Variants in FAM13A observed in about 807,000 individuals in gnomAD.
FAM13A encodes protein FAM13A.
In FAM13A, 76 loss-of-function variants were observed where a neutral mutation model predicts 129.6. The ratio of observed to expected loss-of-function variants is 0.59; its 90% CI spans 0.49 to 0.71. The LOEUF is 0.71. FAM13A is among the 30% of genes least tolerant of loss of function. The probability of loss-of-function intolerance (pLI) is 0.00; values close to 1 mark genes in which losing one functional copy is unlikely to be tolerated. For synonymous variants in FAM13A, 443 were observed against 449.9 expected (o/e 0.98, Z 0.20); for missense variants, 1,108 against 1,249.3 (o/e 0.89, Z 1.70).
At chr4:88,955,193 T>C (rs923945565) in intron 4 of FAM13A, among the ~76,000 whole-genome samples, 1 of 152,172 alleles carries the variant, frequency 6.6e-6, no homozygotes, top group African/African-American at 2.4e-5. Flanking sequence ...AATGTAGAAT[T>C]ACGTATTAAT....
intron 16 of FAM13A, 131 bp downstream of exon 16, chr4:88,749,640 G>T (rs1742129261): frequency 1.2e-6 from 1 of 859,232 alleles, no homozygotes; most frequent in Non-Finnish European, 1.8e-6. Context: ...ACTATCCAGG[G>T]TTTACTGCCT....
chr4:89,037,755 G>C lies in FAM13A; in HGVS notation c.28-8106C>G, dbSNP rs539544571. On this transcript the variant is annotated intron_variant, in intron 1 of 23. Transcript: ENST00000264344. Reference sequence around the variant, plus strand: ...AGGTAATTAGACTGGGGGGTGGATGGTAATAGTGAGTCAGTTCTCACAAGA... The same window carrying C: ...AGGTAATTAGACTGGGGGGTGGATGCTAATAGTGAGTCAGTTCTCACAAGA... Among the ~76,000 whole-genome samples, 3 of 152,268 alleles carry C rather than the reference G, an allele frequency of 2.0e-5. No individual in the cohort carries two copies. In the East Asian group the frequency reaches 5.8e-4, roughly 29 times the overall value.
intron 4 of FAM13A, among the ~76,000 whole-genome samples, chr4:88,941,165 T>C (rs538992747): frequency 2.2e-3 from 331 of 152,336 alleles, no homozygotes; most frequent in African/African-American, 7.7e-3. Context: ...GAGTCACCCA[T>C]GCTAAAATTC....
intron 14 of FAM13A, among the ~76,000 whole-genome samples, chr4:88,757,149 A>G (rs1743824917): frequency 6.6e-6 from 1 of 152,190 alleles, no homozygotes; most frequent in African/African-American, 2.4e-5. Context: ...TTTTAAGGAA[A>G]CTATAAGCTG....
rs978668522 is a variant in FAM13A, at chr4:88,938,160, G to C, written c.687C>G (p.Thr229=). 3.1e-6 allele frequency: 5 copies of C among 1,612,166 alleles called. No homozygotes were observed. The highest frequency in any genetic ancestry group is 1.3e-5 in the African/African-American group (1 of 74,920). ...IMAKILENYN[T]LFEVEYTEND... The stretch of plus-strand genomic sequence containing the variant: ...TTTCTGTATACTCTACTTCAAACAG[G>C]GTATTGTAATTTTCTAGAATTTTAG... Residue 229 remains threonine (T), a synonymous_variant, in exon 5 of 24, where the codon ACC becomes ACG. Coordinates refer to ENST00000264344, the MANE Select transcript of FAM13A (RefSeq NM_014883.4).
At chr4:88,912,120 T>C (rs1171535132) in intron 5 of FAM13A, among the ~76,000 whole-genome samples, 1 of 152,218 alleles carries the variant, frequency 6.6e-6, no homozygotes, top group African/African-American at 2.4e-5. Context: ...GGTGTCAACT[T>C]GACTAAATGA....
chr4:88,986,060 A>C (rs1342701235), intron 4 of FAM13A, among the ~76,000 whole-genome samples: 1 of 152,158 alleles, frequency 6.6e-6, no homozygotes, highest in Admixed American at 6.5e-5. Context: ...AGACACCAAG[A>C]GGTTGAACAG....
intron 4 of FAM13A, among the ~76,000 whole-genome samples, chr4:88,945,990 G>GTGTGTGTATATATATATATATA: frequency 3.1e-4 from 19 of 61,922 alleles, no homozygotes; most frequent in East Asian, 6.9e-4. Context: ...GTGTGTGTGT[G>GTGTGTGTATATATATATATATA]TATATATATA....
chr4:89,044,853 C>T (rs80139272), intron 1 of FAM13A, among the ~76,000 whole-genome samples: 5,878 of 151,482 alleles, frequency 0.039, 233 homozygotes, highest in South Asian at 0.23. Flanking sequence ...TCCACTAATA[C>T]GAGATACCTA....
At chr4:88,954,865 G>A (rs540470194) in intron 4 of FAM13A, among the ~76,000 whole-genome samples, 3 of 146,618 alleles carry the variant, frequency 2.0e-5, no homozygotes, top group Non-Finnish European at 4.5e-5. Flanking sequence ...CAGCCTGGGC[G>A]ACAGAGCAAG....
rs986378050 is a variant in FAM13A, at chr4:88,767,689, T to G, written c.1536-94A>C. ...GATATTATGATTTAATTTAAGAGTA[T>G]GTTGAGTAGCTCTAAGCCAAATACT... On this transcript the variant is annotated intron_variant, in intron 12 of 23. Transcript: ENST00000264344. 5.8e-6 allele frequency: 6 copies of G among 1,027,746 alleles called. No homozygotes were observed. The Admixed American group carries it at 1.4e-4, about 24-fold the overall frequency. The allele number at this position is 1,027,746 out of a possible 1,614,324, so 63.7% of individuals were successfully genotyped here.
At chr4:88,912,588 C>T (rs1749254912) in intron 5 of FAM13A, among the ~76,000 whole-genome samples, 1 of 151,942 alleles carries the variant, frequency 6.6e-6, no homozygotes, top group Admixed American at 6.6e-5. Flanking sequence ...CACACACACA[C>T]ACACACACAC....
intron 3 of FAM13A, among the ~76,000 whole-genome samples, chr4:88,992,393 A>G (rs1763029861): frequency 6.6e-6 from 1 of 151,470 alleles, no homozygotes; most frequent in Non-Finnish European, 1.5e-5. Flanking sequence ...CAGCCTCTTG[A>G]GTAGCCGGGA....
At chr4:88,957,788 T>C (rs778739897) in intron 4 of FAM13A, among the ~76,000 whole-genome samples, 5 of 152,240 alleles carry the variant, frequency 3.3e-5, no homozygotes, top group African/African-American at 9.6e-5. Context: ...AGGAACTTAC[T>C]GAGAACTGGA....
intron 5 of FAM13A, among the ~76,000 whole-genome samples, chr4:88,913,971 C>T (rs1287849365): frequency 6.6e-6 from 1 of 151,682 alleles, no homozygotes; most frequent in Non-Finnish European, 1.5e-5. Context: ...CCATTGCACT[C>T]CAGCCTGGAT....
chr4:88,795,262 T>C (rs1023940743), intron 8 of FAM13A, among the ~76,000 whole-genome samples: 10 of 151,802 alleles, frequency 6.6e-5, no homozygotes, highest in Non-Finnish European at 1.3e-4. Context: ...ATATTTATCC[T>C]CATACCTTCT....
At chr4:88,909,914 A>C (rs1289737880) in intron 5 of FAM13A, among the ~76,000 whole-genome samples, 1 of 152,202 alleles carries the variant, frequency 6.6e-6, no homozygotes, top group African/African-American at 2.4e-5. Context: ...TATGTGAATT[A>C]TATCTAAATT....
chr4:89,051,604 A>G (rs550662601), intron 1 of FAM13A, among the ~76,000 whole-genome samples: 1 of 152,262 alleles, frequency 6.6e-6, no homozygotes, highest in African/African-American at 2.4e-5. Context: ...TCTCATCTAA[A>G]TATCATCTAA....
intron 5 of FAM13A, among the ~76,000 whole-genome samples, chr4:88,933,529 T>G (rs1753376854): frequency 6.6e-6 from 1 of 152,150 alleles, no homozygotes; most frequent in Non-Finnish European, 1.5e-5. Flanking sequence ...TCACTCCAGA[T>G]AGCTCAACCT....
Sources: allele counts gnomAD v4.1 joint callset (sites outside exome capture counted in the v4.1 genomes callset), GRCh38; gene constraint gnomAD v4.1.1; transcripts MANE v1.5; gene names NCBI Gene and HGNC (gene_info 2026-07-23, HGNC 2026-07-21).